Variants in KCNK9 observed in about 807,000 individuals in gnomAD.
KCNK9 encodes potassium two pore domain channel subfamily K member 9.
KCNK9 carries 1 observed loss-of-function variant against 10.8 expected under a neutral mutation model. The observed-to-expected ratio is 0.09, with a 90% confidence interval of 0.03 to 0.44. The LOEUF (loss-of-function observed/expected upper bound fraction) is 0.44, where lower values mean the gene tolerates loss of function less well. KCNK9 is among the 20% of genes least tolerant of loss of function. KCNK9 has a pLI of 0.97. For missense variants in KCNK9, 303 were observed against 515.0 expected (o/e 0.59, Z 3.98); for synonymous variants, 231 against 222.7 (o/e 1.04, Z -0.33).
chr8:139,682,075 C>T (rs1816700871), intron 1 of KCNK9, among the ~76,000 whole-genome samples: 1 of 152,192 alleles, frequency 6.6e-6, no homozygotes, highest in Admixed American at 6.5e-5. Context: ...ACGAGGGGTG[C>T]AGGGAGAAGC....
chr8:139,635,358 C>G (rs559998641), intron 1 of KCNK9, among the ~76,000 whole-genome samples: 5 of 152,244 alleles, frequency 3.3e-5, no homozygotes, highest in African/African-American at 1.2e-4. Flanking sequence ...GCGTTGCTCA[C>G]TGTCCCCTGA....
rs1052198856 is a variant in KCNK9 at position 139,703,027 on chromosome 8, C to A, written c.-35G>T. ...CAAGGAGCCGGCGCGGGGGGCATGT[C>A]CCGCAGGCTCACAGCCGCGCGCGTC... On this transcript the variant is annotated 5_prime_UTR_variant, in exon 1 of 2. Coordinates refer to ENST00000520439, the MANE Select transcript of KCNK9 (RefSeq NM_001282534.2). The surrounding 1 kb of genome is among the most constrained non-coding windows in gnomAD (Gnocchi z 6.4). 1.3e-6 allele frequency: 2 copies of A among 1,539,164 alleles called. No homozygotes were observed. The highest frequency in any genetic ancestry group is 1.7e-6 in the Non-Finnish European group (2 of 1,146,324).
chr8:139,655,731 C>T (rs1408498750), intron 1 of KCNK9, among the ~76,000 whole-genome samples: 1 of 152,196 alleles, frequency 6.6e-6, no homozygotes, highest in Non-Finnish European at 1.5e-5. Context: ...TCCCACACCC[C>T]TGGGCTCTCC....
downstream of KCNK9, among the ~76,000 whole-genome samples, chr8:139,615,613 A>G (rs1236232943): frequency 2.0e-5 from 3 of 152,056 alleles, no homozygotes; most frequent in African/African-American, 4.8e-5. Flanking sequence ...ACTTTGAAAG[A>G]CTCAGTGACC....
At chr8:139,654,436 C>G (rs1188400942) in intron 1 of KCNK9, among the ~76,000 whole-genome samples, 1 of 152,176 alleles carries the variant, frequency 6.6e-6, no homozygotes, top group Non-Finnish European at 1.5e-5. Flanking sequence ...CCGCTCAGGC[C>G]CTGGTGTTGT....
intron 1 of KCNK9, among the ~76,000 whole-genome samples, chr8:139,649,557 C>T (rs550490521): frequency 1.4e-4 from 22 of 152,304 alleles, no homozygotes; most frequent in African/African-American, 4.6e-4. Flanking sequence ...TGCCTGGATG[C>T]GGTCTTTCCA....
intron 1 of KCNK9, among the ~76,000 whole-genome samples, chr8:139,622,220 G>A (rs909227678): frequency 3.3e-5 from 5 of 152,318 alleles, no homozygotes; most frequent in African/African-American, 1.2e-4. Context: ...AGGTTCAGGG[G>A]TCTTCCCCAT....
intron 1 of KCNK9, among the ~76,000 whole-genome samples, chr8:139,642,760 G>A (rs1815542497): frequency 6.6e-6 from 1 of 152,230 alleles, no homozygotes; most frequent in African/African-American, 2.4e-5. Flanking sequence ...GGGCAGGAGG[G>A]GACAGTACTG....
downstream of KCNK9, among the ~76,000 whole-genome samples, chr8:139,610,088 A>C (rs1385121779): frequency 2.0e-5 from 3 of 152,002 alleles, no homozygotes; most frequent in African/African-American, 7.2e-5. Flanking sequence ...CTCAGCCTCC[A>C]CCACCCAGAG....
At chr8:139,687,630 GT>G (rs1816843685) in intron 1 of KCNK9, among the ~76,000 whole-genome samples, 1 of 30,226 alleles carries the variant, frequency 3.3e-5, no homozygotes, top group Non-Finnish European at 8.5e-5. Flanking sequence ...ATATTCATAT[GT>G]ATACATATGT....
chr8:139,664,013 G>A lies in KCNK9; in HGVS notation c.283+38697C>T, dbSNP rs547866610. Among the ~76,000 whole-genome samples the A allele has an allele frequency of 7.2e-5, 11 of 152,242 alleles. No individual in the cohort carries two copies. The South Asian group carries it at 1.7e-3, about 23-fold the overall frequency. On this transcript the variant is annotated intron_variant, in intron 1 of 1. Coordinates refer to ENST00000520439, the MANE Select transcript of KCNK9 (RefSeq NM_001282534.2). ...TGAATGCTCTGGAGAACGCTGCGAGGGCTTGCGGCTATCCTACAGAGGAGG... is the reference window on the plus strand; with the variant it reads ...TGAATGCTCTGGAGAACGCTGCGAGAGCTTGCGGCTATCCTACAGAGGAGG...
At chr8:139,649,042 G>A (rs2545457) in intron 1 of KCNK9, among the ~76,000 whole-genome samples, 102,694 of 152,052 alleles carry the variant, frequency 0.68, 35,122 homozygotes, top group African/African-American at 0.77. Context: ...CCAACCCAAG[G>A]ATGCAGAGCT....
downstream of KCNK9, among the ~76,000 whole-genome samples, chr8:139,613,414 C>T (rs940330197): frequency 3.9e-5 from 6 of 152,162 alleles, no homozygotes; most frequent in African/African-American, 9.7e-5. Context: ...GATTTATGCT[C>T]AGCGCTTTGG....
In KCNK9 at chr8:139,617,625, T is replaced by G. The variant is rs572613956; in HGVS notation, c.*633A>C. ...ACTGCTTAATGAAACATGCTTGATT[T>G]GGCAAAATACGATAAATCAAAAACC... On this transcript the variant is annotated 3_prime_UTR_variant, in exon 2 of 2. Transcript: ENST00000520439. 6.6e-6 allele frequency among the ~76,000 whole-genome samples: 1 copy of G among 152,328 alleles called. No individual in the cohort carries two copies. The highest frequency in any genetic ancestry group is 2.4e-5 in the African/African-American group (1 of 41,572).
chr8:139,650,237 G>A (rs112170030), intron 1 of KCNK9, among the ~76,000 whole-genome samples: 359 of 152,316 alleles, frequency 2.4e-3, no homozygotes, highest in African/African-American at 8.4e-3. Flanking sequence ...GACTGTAGGG[G>A]TGAGGTGGGA....
At chr8:139,687,635 C>T (rs866680423) in intron 1 of KCNK9, among the ~76,000 whole-genome samples, 1,278 of 30,002 alleles carry the variant, frequency 0.043, 94 homozygotes, top group African/African-American at 0.1. Context: ...CATATGTATA[C>T]ATATGTATAC....
intron 1 of KCNK9, among the ~76,000 whole-genome samples, chr8:139,628,838 C>T (rs10088495): frequency 0.042 from 6,388 of 152,296 alleles, 249 homozygotes; most frequent in East Asian, 0.22. Flanking sequence ...CTCTTCTGCT[C>T]CATGTAGGGC....
At chr8:139,661,585 C>T (rs903002772) in intron 1 of KCNK9, among the ~76,000 whole-genome samples, 1 of 152,254 alleles carries the variant, frequency 6.6e-6, no homozygotes, top group Admixed American at 6.5e-5. Flanking sequence ...TCACCTGGGG[C>T]GAGGTATCCT....
At chr8:139,659,447 A>AC (rs1228203127) in intron 1 of KCNK9, among the ~76,000 whole-genome samples, 3 of 150,772 alleles carry the variant, frequency 2.0e-5, no homozygotes, top group African/African-American at 7.4e-5. Context: ...CAGGTGTTAG[A>AC]CCCCTGGCCT....
Sources: gnomAD v4.1 joint callset for allele counts (sites outside exome capture counted in the v4.1 genomes callset) on GRCh38, gnomAD v4.1.1 for gene constraint, Gnocchi (gnomAD v3.1) non-coding constraint, MANE v1.5 for transcripts, NCBI Gene and HGNC (gene_info 2026-07-23, HGNC 2026-07-21) for gene names.